The following SGCD variants were observed in gnomAD, a reference collection of about 807,000 sequenced individuals.
SGCD encodes the protein sarcoglycan delta.
SGCD carries 18 observed loss-of-function variants against 36.6 expected under a neutral mutation model. That is an observed-to-expected ratio of 0.49 (90% CI 0.34 to 0.73). The LOEUF is 0.73. SGCD is among the 30% of genes least tolerant of loss of function. The pLI is 0.01. For missense variants in SGCD, 387 were observed against 346.7 expected, an observed-to-expected ratio of 1.12 and a Z score of -0.92; for synonymous variants, 133 against 130.6, an observed-to-expected ratio of 1.02 and a Z score of -0.12.
rs967732380 is a variant in SGCD, at chr5:156,670,699, C to T, written c.575+23163C>T. Among the ~76,000 whole-genome samples, 11 of 152,244 alleles carry T rather than the reference C, an allele frequency of 7.2e-5. No individual in the cohort carries two copies. The South Asian group carries it at 1.9e-3, about 26-fold the overall frequency. ...GCCAAAGGGGTTCTTATTTTTTCCT[C>T]AATCCAGAACTTTCCATGGTTTATT... On this transcript the variant is annotated intron_variant, in intron 7 of 8. Transcript: ENST00000337851.
intron 3 of SGCD, among the ~76,000 whole-genome samples, chr5:156,407,971 A>T (rs1387080168): frequency 6.6e-6 from 1 of 152,110 alleles, no homozygotes; most frequent in East Asian, 1.9e-4. Flanking sequence ...CCTAAAGTGG[A>T]GGGTGGTGGC....
At chr5:156,038,787 G>C (rs552479117) in intron 1 of SGCD, among the ~76,000 whole-genome samples, 3 of 152,268 alleles carry the variant, frequency 2.0e-5, no homozygotes, top group Admixed American at 6.5e-5. Flanking sequence ...TAGAAAAGGC[G>C]CAGAAGAACC....
chr5:156,094,317 TA>T (rs1279482014), intron 1 of SGCD, among the ~76,000 whole-genome samples: 3 of 152,174 alleles, frequency 2.0e-5, no homozygotes, highest in Non-Finnish European at 2.9e-5. Context: ...CAGGGCATTT[TA>T]AAAGGGTGAG....
intron 1 of SGCD, among the ~76,000 whole-genome samples, chr5:155,879,250 G>T (rs1359950169): frequency 1.3e-5 from 2 of 152,038 alleles, no homozygotes; most frequent in Non-Finnish European, 2.9e-5. Context: ...CATGAATGTG[G>T]CCTGTATTTA....
chr5:156,465,176 A>G (rs764446273), intron 3 of SGCD, among the ~76,000 whole-genome samples: 3 of 152,270 alleles, frequency 2.0e-5, no homozygotes, highest in Non-Finnish European at 4.4e-5. Context: ...GATTCCCTCC[A>G]GGAAACCTCC....
intron 7 of SGCD, among the ~76,000 whole-genome samples, chr5:156,657,693 C>G (rs1022342820): frequency 5.9e-5 from 9 of 151,928 alleles, no homozygotes; most frequent in Non-Finnish European, 8.8e-5. Context: ...AACTAGGAGG[C>G]GGAGGTTGCA....
At chr5:156,504,402 A>ATATATATATATATGTCAATGTG (rs1756605933) in intron 3 of SGCD, among the ~76,000 whole-genome samples, 1 of 87,018 alleles carries the variant, frequency 1.1e-5, no homozygotes, top group African/African-American at 3.3e-5. Flanking sequence ...GTATATATAT[A>ATATATATATATATGTCAATGTG]TATATATATA....
intron 1 of SGCD, among the ~76,000 whole-genome samples, chr5:156,071,910 T>G (rs1417570147): frequency 1.3e-5 from 2 of 152,130 alleles, no homozygotes; most frequent in Non-Finnish European, 2.9e-5. Context: ...CTTTTGATCT[T>G]TGTTGGTTTA....
In SGCD at chr5:156,370,089, G is replaced by T. The variant is rs146078068; in HGVS notation, c.192+25412G>T. On this transcript the variant is annotated intron_variant, in intron 3 of 8. Transcript: ENST00000337851. ...GTTCTCAGTGGGCACCCTCCATAAA[G>T]GTCAGTTGCTTTCCAGATATCAGCA... Among the ~76,000 whole-genome samples, 30 of 152,210 alleles carry T rather than the reference G, an allele frequency of 2.0e-4. No homozygotes were observed. The South Asian group carries it at 4.1e-3, about 21-fold the overall frequency.
the SGCD span, among the ~76,000 whole-genome samples, chr5:155,731,666 TG>T: frequency 5.1e-4 from 78 of 152,362 alleles, no homozygotes; most frequent in African/African-American, 1.8e-3. Context: ...AAATACATGT[TG>T]GAGAATTGAG....
chr5:156,254,364 T>TC (rs1397301411), intron 3 of SGCD, among the ~76,000 whole-genome samples: 4 of 152,188 alleles, frequency 2.6e-5, no homozygotes, highest in Non-Finnish European at 5.9e-5. Context: ...CCTAATGCTA[T>TC]CCCTCCCCGC....
At chr5:156,130,783 T>C (rs747201604) in intron 3 of SGCD, among the ~76,000 whole-genome samples, 9 of 152,022 alleles carry the variant, frequency 5.9e-5, no homozygotes, top group African/African-American at 1.9e-4. Flanking sequence ...CTGGAGTACA[T>C]TGGTGCAATC....
the SGCD span, among the ~76,000 whole-genome samples, chr5:155,746,236 T>C: frequency 6.6e-6 from 1 of 152,180 alleles, no homozygotes; most frequent in South Asian, 2.1e-4. Flanking sequence ...TATGGTATTG[T>C]TACTGAGAAG....
upstream of SGCD, among the ~76,000 whole-genome samples, chr5:156,322,220 A>G (rs1367925158): frequency 6.6e-6 from 1 of 152,256 alleles, no homozygotes; most frequent in Non-Finnish European, 1.5e-5. Flanking sequence ...TTTACATCTT[A>G]TGAGACAAGT....
chr5:155,820,780 G>T, the SGCD span, among the ~76,000 whole-genome samples: 13 of 152,244 alleles, frequency 8.5e-5, no homozygotes, highest in Middle Eastern at 3.4e-3. Flanking sequence ...AAGAGTTGTG[G>T]TTATATCCCC....
intron 7 of SGCD, among the ~76,000 whole-genome samples, chr5:156,689,595 G>T (rs1233179941): frequency 6.6e-6 from 1 of 152,274 alleles, no homozygotes; most frequent in South Asian, 2.1e-4. Context: ...CTGGATCACA[G>T]AAGAATGAGA....
rs564250671 is a variant in SGCD, at chr5:155,996,384, G to A, written c.-281-121494G>A. Among the ~76,000 whole-genome samples, 6 of 152,102 alleles carry A rather than the reference G, an allele frequency of 3.9e-5. No homozygotes were observed. The South Asian group carries it at 6.2e-4, about 16-fold the overall frequency. Reference sequence around the variant, plus strand: ...GTATCAGGATTCAGTGACAAGAAACGGGTTCCAAAAATTTCAAAGCCAGCA... The same window carrying A: ...GTATCAGGATTCAGTGACAAGAAACAGGTTCCAAAAATTTCAAAGCCAGCA... On this transcript the variant is annotated intron_variant, in intron 1 of 9. Transcript: ENST00000517913.
intron 1 of SGCD, among the ~76,000 whole-genome samples, chr5:156,000,799 C>CATATATATATATATATAT (rs145379741): frequency 1.4e-4 from 21 of 145,212 alleles, no homozygotes; most frequent in African/African-American, 4.9e-4. Context: ...TTTCCTCACA[C>CATATATATATATATATAT]ATATATATAT....
At chr5:156,324,443 G>GA (rs146903647), upstream of SGCD, among the ~76,000 whole-genome samples, 45 of 146,872 alleles carry the variant, frequency 3.1e-4, no homozygotes, top group East Asian at 5.9e-4. Flanking sequence ...ATATGATATT[G>GA]AAAAAAAAAA....
Sources: gnomAD v4.1 joint callset for allele counts (sites outside exome capture counted in the v4.1 genomes callset) on GRCh38, gnomAD v4.1.1 for gene constraint, MANE v1.5 for transcripts, NCBI Gene and HGNC (gene_info 2026-07-23, HGNC 2026-07-21) for gene names.